Variants in PCDH15 observed in about 807,000 individuals in gnomAD.
The protein encoded by PCDH15 is protocadherin-15.
In PCDH15, 129 loss-of-function variants were observed where a neutral mutation model predicts 178.5. That is an observed-to-expected ratio of 0.72 (90% CI 0.63 to 0.84). The LOEUF is 0.84. PCDH15 is among the 40% of genes least tolerant of loss of function. The probability of loss-of-function intolerance (pLI) is 0.00; values close to 1 mark genes in which losing one functional copy is unlikely to be tolerated. For synonymous variants in PCDH15, 800 were observed against 732.0 expected (o/e 1.09, Z -1.50); for missense variants, 2,230 against 2,099.9 (o/e 1.06, Z -1.21).
intron 2 of PCDH15, among the ~76,000 whole-genome samples, chr10:55,385,386 TGAA>T (rs1220162223): frequency 1.3e-5 from 2 of 152,036 alleles, no homozygotes; most frequent in African/African-American, 2.4e-5. Context: ...TGAAAGAAAG[TGAA>T]GAAGCTTCTT....
At position 55,243,165 on chromosome 10, in the gene PCDH15, G is replaced by C. The variant is rs541341843; in HGVS notation, c.-156+76434C>G. Among the ~76,000 whole-genome samples, 9 of 152,302 alleles carry C rather than the reference G, an allele frequency of 5.9e-5. No homozygotes were observed. In the South Asian group the frequency reaches 1.7e-3, roughly 28 times the overall value. On this transcript the variant is annotated intron_variant, in intron 1 of 5. Transcript: ENST00000458638. ...GTTTATTCCCCAGGATAGTCTATCA[G>C]TTAGCAGCTATGCTCATAATGAGCA...
chr10:54,510,389 A>G (rs1292564623), intron 3 of PCDH15, among the ~76,000 whole-genome samples: 1 of 152,172 alleles, frequency 6.6e-6, no homozygotes, highest in Non-Finnish European at 1.5e-5. Flanking sequence ...GGAGGACTGA[A>G]GAAGATTTAT....
chr10:53,966,895 T>G (rs2089088103), intron 21 of PCDH15, among the ~76,000 whole-genome samples: 1 of 151,644 alleles, frequency 6.6e-6, no homozygotes, highest in African/African-American at 2.4e-5. Context: ...TAAATAATCA[T>G]TCATATATAT....
At chr10:54,869,351 T>G (rs1265221663) in intron 3 of PCDH15, among the ~76,000 whole-genome samples, 5 of 152,178 alleles carry the variant, frequency 3.3e-5, no homozygotes, top group African/African-American at 1.2e-4. Flanking sequence ...CATTATGATT[T>G]CAAACTTCTA....
At chr10:55,292,258 G>A (rs1430412010) in intron 1 of PCDH15, among the ~76,000 whole-genome samples, 2 of 152,172 alleles carry the variant, frequency 1.3e-5, no homozygotes, top group Non-Finnish European at 2.9e-5. Flanking sequence ...GAGGTAACAG[G>A]CATTTGGGTA....
chr10:54,526,574 G>A (rs565494843), intron 3 of PCDH15, among the ~76,000 whole-genome samples: 18 of 151,982 alleles, frequency 1.2e-4, no homozygotes, highest in Non-Finnish European at 2.2e-4. Flanking sequence ...ACACATTTGG[G>A]ATTTATTTCC....
At chr10:54,319,779 T>C (rs1361551851) in intron 7 of PCDH15, among the ~76,000 whole-genome samples, 1 of 145,322 alleles carries the variant, frequency 6.9e-6, no homozygotes. Flanking sequence ...AATATTTGCC[T>C]TCCAATTAAA....
chr10:54,639,453 C>G (rs995430960), intron 2 of PCDH15, among the ~76,000 whole-genome samples: 1 of 151,954 alleles, frequency 6.6e-6, no homozygotes, highest in Non-Finnish European at 1.5e-5. Flanking sequence ...AAAAAGGTCT[C>G]AGAAGTTTAA....
chr10:55,364,893 C>A (rs1845317451), intron 2 of PCDH15, among the ~76,000 whole-genome samples: 1 of 151,930 alleles, frequency 6.6e-6, no homozygotes, highest in African/African-American at 2.4e-5. Flanking sequence ...AAATAGAATA[C>A]AATACAAAAT....
chr10:54,332,100 A>G (rs1348169272), intron 6 of PCDH15, among the ~76,000 whole-genome samples: 1 of 150,026 alleles, frequency 6.7e-6, no homozygotes, highest in Non-Finnish European at 1.5e-5. Flanking sequence ...AGTATAAAAT[A>G]AAAAGAGCCC....
intron 1 of PCDH15, among the ~76,000 whole-genome samples, chr10:55,215,755 G>A (rs1840686530): frequency 6.6e-6 from 1 of 151,940 alleles, no homozygotes; most frequent in South Asian, 2.1e-4. Context: ...TGTAATGTGT[G>A]AGCATCTGTT....
intron 1 of PCDH15, among the ~76,000 whole-genome samples, chr10:54,761,673 ACT>A (rs1352115179): frequency 6.6e-6 from 1 of 151,600 alleles, no homozygotes; most frequent in Non-Finnish European, 1.5e-5. Context: ...ACATAGCGAG[ACT>A]CTGTCTCAAA....
At chr10:54,630,676 G>A (rs1395132828) in intron 2 of PCDH15, among the ~76,000 whole-genome samples, 1 of 152,088 alleles carries the variant, frequency 6.6e-6, no homozygotes, top group African/African-American at 2.4e-5. Flanking sequence ...ACCCTAAAGA[G>A]CTTCTGTACC....
chr10:53,832,909 A>G (rs1248780023), intron 29 of PCDH15, among the ~76,000 whole-genome samples: 4 of 151,978 alleles, frequency 2.6e-5, no homozygotes, highest in African/African-American at 9.7e-5. Context: ...TTCATATCAC[A>G]CATGTGGCAA....
At chr10:54,621,900 A>G (rs1443389349) in intron 2 of PCDH15, among the ~76,000 whole-genome samples, 1 of 152,082 alleles carries the variant, frequency 6.6e-6, no homozygotes, top group East Asian at 1.9e-4. Flanking sequence ...AGAAAGGGTG[A>G]TTGGTTGATA....
intron 11 of PCDH15, among the ~76,000 whole-genome samples, chr10:54,187,430 C>T (rs545283792): frequency 6.6e-6 from 1 of 151,822 alleles, no homozygotes; most frequent in Non-Finnish European, 1.5e-5. Context: ...ATGTTTGTGT[C>T]ACAAAGAGCA....
chr10:54,463,087 A>G (rs114636407), intron 3 of PCDH15, among the ~76,000 whole-genome samples: 6,554 of 152,220 alleles, frequency 0.043, 305 homozygotes, highest in African/African-American at 0.12. Context: ...TCAGTACTCA[A>G]TGAGAACATT....
In PCDH15 at chr10:54,664,307, T is replaced by C; in HGVS notation, c.-28-17A>G. The C allele has an allele frequency of 6.8e-7, 1 of 1,474,130 alleles. No homozygotes were observed. Among genetic ancestry groups the C allele is most frequent in the Non-Finnish European group, 9.4e-7 (1 of 1,061,452 alleles). The allele number at this position is 1,474,130 out of a possible 1,614,324, so 91.3% of individuals were successfully genotyped here. A position where few individuals can be genotyped will look rare whatever the true frequency, so the allele number is the denominator to read the frequency against. ...AAAGCTGATCTGAAATAAGAAAAGG[T>C]AGAAAGAAACATTTGACATGTTCAT... On this transcript the variant is annotated splice_polypyrimidine_tract_variant and intron_variant, in intron 1 of 37. Coordinates refer to ENST00000644397, the MANE Select transcript of PCDH15 (RefSeq NM_001384140.1).
intron 2 of PCDH15, among the ~76,000 whole-genome samples, chr10:54,652,663 C>A (rs144593698): frequency 6.6e-6 from 1 of 152,070 alleles, no homozygotes; most frequent in Non-Finnish European, 1.5e-5. Context: ...AGAGACATCA[C>A]GGGTGTGCCT....
Sources: gnomAD v4.1 joint callset for allele counts (sites outside exome capture counted in the v4.1 genomes callset) on GRCh38, gnomAD v4.1.1 for gene constraint, MANE v1.5 for transcripts, NCBI Gene and HGNC (gene_info 2026-07-23, HGNC 2026-07-21) for gene names.